Variants in MACF1 observed in about 807,000 individuals in gnomAD.
The protein encoded by MACF1 is microtubule actin crosslinking factor 1, also known as microtubule-actin cross-linking factor 1.
A neutral mutation model predicts 854.8 loss-of-function variants in MACF1; 193 were observed. The observed-to-expected ratio is 0.23, with a 90% CI of 0.20 to 0.25. The LOEUF (loss-of-function observed/expected upper bound fraction) is 0.25, where lower values mean the gene tolerates loss of function less well. Ranked by LOEUF, MACF1 falls within the 10% of genes least tolerant of loss-of-function variation. The pLI is 1.00. For synonymous variants in MACF1, 3,185 were observed against 3,226.7 expected, an observed-to-expected ratio of 0.99 and a Z score of 0.44; for missense variants, 7,722 against 8,929.1, an observed-to-expected ratio of 0.86 and a Z score of 5.45.
At chr1:39,106,067 C>T (rs1642228043) in intron 2 of MACF1, among the ~76,000 whole-genome samples, 1 of 152,118 alleles carries the variant, frequency 6.6e-6, no homozygotes, top group South Asian at 2.1e-4. Context: ...GGAGAAACCA[C>T]CCGCTCTGCT....
chr1:39,089,105 G>A (rs959144942), intron 2 of MACF1, among the ~76,000 whole-genome samples: 1 of 152,230 alleles, frequency 6.6e-6, no homozygotes, highest in African/African-American at 2.4e-5. Context: ...CGGGTGTAGT[G>A]GCTCACACCT....
chr1:39,347,793 A>C (rs1254088566), intron 41 of MACF1, among the ~76,000 whole-genome samples: 1 of 152,124 alleles, frequency 6.6e-6, no homozygotes, highest in Admixed American at 6.6e-5. Context: ...CCCAGTGCTT[A>C]TTCGCTTATT....
intron 72 of MACF1, among the ~76,000 whole-genome samples, chr1:39,440,358 G>A (rs566550342): frequency 3.3e-5 from 5 of 151,600 alleles, no homozygotes; most frequent in East Asian, 1.9e-4. Flanking sequence ...CTCCAGCCTC[G>A]GCCTCCCAAA....
intron 2 of MACF1, among the ~76,000 whole-genome samples, chr1:39,104,150 C>T (rs1642161388): frequency 6.6e-6 from 1 of 152,164 alleles, no homozygotes; most frequent in Admixed American, 6.5e-5. Flanking sequence ...TTACCCACAA[C>T]CACCTCTCCA....
At position 39,460,860 on chromosome 1, in the gene MACF1, A is replaced by G; in HGVS notation, c.21523+66A>G. ...TTCCTTGCACTTTGTAGAAGCTGTG[A>G]TATTCTAGCTAAACAGTCTTTCTGA... On this transcript the variant is annotated intron_variant, in intron 92 of 100. Transcript: ENST00000564288. This position sits in a 1 kb window ranked among gnomAD's most constrained non-coding sequence, Gnocchi z 4.1. 1 of 1,561,276 alleles carries G rather than the reference A, an allele frequency of 6.4e-7. No homozygotes were observed. The highest frequency in any genetic ancestry group is 8.8e-7 in the Non-Finnish European group (1 of 1,134,850).
intron 2 of MACF1, among the ~76,000 whole-genome samples, chr1:39,175,518 T>C (rs978909386): frequency 6.6e-6 from 1 of 152,206 alleles, no homozygotes; most frequent in African/African-American, 2.4e-5. Context: ...TAAAACCTCA[T>C]TGAGTGGAAT....
intron 15 of MACF1, among the ~76,000 whole-genome samples, chr1:39,289,053 G>T (rs1209323229): frequency 6.6e-6 from 1 of 152,074 alleles, no homozygotes; most frequent in Non-Finnish European, 1.5e-5. Context: ...CATCCATATT[G>T]TTGCAAATGA....
chr1:39,302,205 C>T (rs991123589), intron 22 of MACF1, among the ~76,000 whole-genome samples: 3 of 152,096 alleles, frequency 2.0e-5, no homozygotes, highest in African/African-American at 7.2e-5. Context: ...ACTATGTTGC[C>T]TAGGCTGGTC....
At chr1:39,414,872 T>C (rs1296490920) in intron 58 of MACF1, among the ~76,000 whole-genome samples, 6 of 152,194 alleles carry the variant, frequency 3.9e-5, no homozygotes, top group Middle Eastern at 3.2e-3. Context: ...GGCCAGAGTG[T>C]GAGCTTTGGA....
intron 52 of MACF1, chr1:39,373,117 T>G (rs1314525600): frequency 6.2e-6 from 1 of 160,836 alleles, no homozygotes; most frequent in Non-Finnish European, 1.3e-5. Context: ...CCATCCTGGC[T>G]AACACGGTGA....
intron 1 of MACF1, 141 bp downstream of exon 1, chr1:39,205,272 G>A (rs1644437308): frequency 1.6e-6 from 1 of 626,048 alleles, no homozygotes; most frequent in Non-Finnish European, 2.8e-6. Context: ...TTAAGAGTGT[G>A]TGTGTGTGAG....
intron 80 of MACF1, 103 bp from the exon 81 acceptor site, chr1:39,447,329 G>A: frequency 9.3e-7 from 1 of 1,075,794 alleles, no homozygotes; most frequent in Non-Finnish European, 1.4e-6. Flanking sequence ...CTTTTTAGAG[G>A]TCATTTCATT....
chr1:39,298,145 CCAA>C (rs753187024), intron 21 of MACF1, among the ~76,000 whole-genome samples: 6 of 149,746 alleles, frequency 4.0e-5, no homozygotes, highest in East Asian at 2.0e-4. Context: ...AAAAAAAAAA[CCAA>C]CAACAACAAC....
chr1:39,336,793 T>C, intron 37 of MACF1, 140 bp downstream of exon 37: 1 of 829,084 alleles, frequency 1.2e-6, no homozygotes, highest in Non-Finnish European at 1.8e-6. Flanking sequence ...CTCTAAGATA[T>C]AACTTAGTTT....
chr1:39,248,972 C>T (rs1645011969), intron 2 of MACF1, among the ~76,000 whole-genome samples: 1 of 152,086 alleles, frequency 6.6e-6, no homozygotes, highest in African/African-American at 2.4e-5. Flanking sequence ...ATCTCAAACT[C>T]CTAGGGTCAA....
intron 2 of MACF1, among the ~76,000 whole-genome samples, chr1:39,147,247 C>T (rs1054359775): frequency 6.7e-6 from 1 of 149,590 alleles, no homozygotes; most frequent in African/African-American, 2.5e-5. Context: ...CCTCTCTCCT[C>T]TCTCTTTTCC....
chr1:39,346,825 G>T lies in MACF1; in HGVS notation c.10582-152G>T, dbSNP rs1464399789. The T allele has an allele frequency of 6.3e-6, 4 of 630,102 alleles. No homozygotes were observed. In the East Asian group the frequency reaches 1.1e-4, roughly 18 times the overall value. The allele number at this position is 630,102 out of a possible 1,614,324, so 39.0% of individuals were successfully genotyped here. On this transcript the variant is annotated intron_variant, in intron 40 of 100. Coordinates refer to ENST00000564288, the MANE Select transcript of MACF1 (RefSeq NM_001394062.1). The stretch of plus-strand genomic sequence containing the variant: ...TGAGCCACCGCACCTGGCCAAGAGA[G>T]ACTTTAATTCTAATTTGGCCCTAGA...
At chr1:39,111,131 C>G (rs1004616603) in intron 2 of MACF1, among the ~76,000 whole-genome samples, 20 of 152,156 alleles carry the variant, frequency 1.3e-4, no homozygotes, top group Non-Finnish European at 2.4e-4. Context: ...GTTGAAGCCT[C>G]TCTCGTCTGG....
chr1:39,160,192 C>T (rs2148207326), intron 2 of MACF1, among the ~76,000 whole-genome samples: 1 of 152,240 alleles, frequency 6.6e-6, no homozygotes, highest in East Asian at 1.9e-4. Context: ...TGATATGCAC[C>T]TGTACCCTTA....
Sources: allele counts gnomAD v4.1 joint callset (sites outside exome capture counted in the v4.1 genomes callset), GRCh38; gene constraint gnomAD v4.1.1; non-coding constraint Gnocchi (gnomAD v3.1); transcripts MANE v1.5; gene names NCBI Gene and HGNC (gene_info 2026-07-23, HGNC 2026-07-21).